Variants in GLRX2 observed in about 807,000 individuals in gnomAD.
GLRX2 encodes glutaredoxin 2.
A neutral mutation model predicts 16.4 loss-of-function variants in GLRX2; 12 were observed. The observed-to-expected ratio is 0.73, with a 90% CI of 0.47 to 1.19. GLRX2 has a LOEUF of 1.19. GLRX2 is among the 50% of genes most tolerant of loss of function. The pLI, the probability that GLRX2 is intolerant of heterozygous loss-of-function variation, is 0.00. For synonymous variants in GLRX2, 95 were observed against 76.2 expected (o/e 1.25, Z -1.28); for missense variants, 201 against 201.8 (o/e 1.00, Z 0.02).
Position 193,105,344 on chromosome 1 carries a change from CA to C in GLRX2, c.38del (p.Leu13ArgfsTer40). ...WRRAALAGTRLVWSRSGSAGW... is the reference protein window; with the variant it reads ...WRRAALAGTRXVWSRSGSAGW... The stretch of plus-strand genomic sequence containing the variant: ...CTGCCGAGCCGCTCCTGCTCCAAAC[CA>C]GCCGCGTCCCCGCCAGCGCCGCGCG... On this transcript the variant is annotated frameshift_variant, in exon 1 of 4. Coordinates refer to ENST00000367439, the MANE Select transcript of GLRX2 (RefSeq NM_197962.3). LOFTEE classifies it high-confidence loss of function. 1.3e-6 allele frequency: 2 copies of C among 1,547,942 alleles called. No homozygotes were observed. The highest frequency in any genetic ancestry group is 1.7e-6 in the Non-Finnish European group (2 of 1,157,032).
At chr1:193,106,017 A>G, upstream of GLRX2, 1 of 990,998 alleles carries the variant, frequency 1.0e-6, no homozygotes, top group Non-Finnish European at 1.2e-6. Context: ...AACAAAACAA[A>G]AGAAATTAGC....
At chr1:193,098,914 AT>A (rs1189706569) in intron 2 of GLRX2, among the ~76,000 whole-genome samples, 1 of 152,210 alleles carries the variant, frequency 6.6e-6, no homozygotes, top group Non-Finnish European at 1.5e-5. Flanking sequence ...CTTACCTTCT[AT>A]TCTATAACTT....
rs1361294096 is a variant in GLRX2 at position 193,096,685 on chromosome 1, T to G, written c.435A>C (p.Lys145Asn). The change falls in exon 4 of 4, where the codon AAA becomes AAC. Residue 145 changes from lysine to asparagine, a missense_variant. Transcript: ENST00000367439. The stretch of plus-strand genomic sequence containing the variant: ...AACACTGATGAACTAGTGGGAGCAA[T>G]TTTCCTTCTTTGTGAAGCCTATGAG... ...TDTHRLHKEG[K>N]LLPLVHQCYL... The G allele has an allele frequency of 1.2e-6, 2 of 1,605,344 alleles. No individual in the cohort carries two copies. The highest frequency in any genetic ancestry group is 1.7e-6 in the Non-Finnish European group (2 of 1,172,432).
chr1:193,096,780 G>A, intron 3 of GLRX2, 21 bp from the exon 4 acceptor site: 1 of 1,584,586 alleles, frequency 6.3e-7, no homozygotes, highest in Non-Finnish European at 8.6e-7. Context: ...AACAAAAGAA[G>A]AATTAGGCTT....
Position 193,105,369 on chromosome 1 carries a change from C to A in GLRX2, c.14G>T (p.Arg5Leu). The change falls in exon 1 of 4, where the codon CGC becomes CTC. Residue 5 changes from arginine to leucine, a missense_variant. By Grantham distance (102) the Arg-to-Leu change is moderately radical. Transcript: ENST00000367439. ...CAGCCGCGTCCCCGCCAGCGCCGCG[C>A]GGCGCCAAATCATGGTCAGAGCCCG... Reference protein sequence around the residue: MIWRRAALAGTRLVW... With the variant: MIWRLAALAGTRLVW... The A allele has an allele frequency of 6.5e-7, 1 of 1,545,668 alleles. No homozygotes were observed.
At chr1:193,101,093 TC>T (rs767407129) in intron 2 of GLRX2, 47 bp downstream of exon 2, 1 of 1,191,940 alleles carries the variant, frequency 8.4e-7, no homozygotes, top group East Asian at 2.3e-5. Context: ...AAGGGACAAT[TC>T]TTTTTCTACA....
intron 3 of GLRX2, 116 bp from the exon 4 acceptor site, chr1:193,096,875 G>T: frequency 1.5e-6 from 1 of 678,474 alleles, no homozygotes; most frequent in Non-Finnish European, 2.4e-6. Flanking sequence ...GCACCACAAA[G>T]CTCTTTCACA....
chr1:193,103,893 A>T (rs530161759), intron 1 of GLRX2, among the ~76,000 whole-genome samples: 6 of 152,234 alleles, frequency 3.9e-5, no homozygotes, highest in African/African-American at 1.2e-4. Flanking sequence ...ACCTGAGAGG[A>T]GGGTGAAGCT....
At chr1:193,099,215 T>C in intron 2 of GLRX2, among the ~76,000 whole-genome samples, 1 of 152,248 alleles carries the variant, frequency 6.6e-6, no homozygotes, top group Non-Finnish European at 1.5e-5. Context: ...GATTCTGCTA[T>C]GCATCCACGC....
At chr1:193,099,800 T>G (rs142410691) in intron 2 of GLRX2, among the ~76,000 whole-genome samples, 18 of 152,316 alleles carry the variant, frequency 1.2e-4, no homozygotes, top group African/African-American at 4.3e-4. Flanking sequence ...TATGATTCCC[T>G]TGTGTTTACT....
upstream of GLRX2, chr1:193,105,939 T>A: frequency 9.6e-7 from 1 of 1,037,600 alleles, no homozygotes; most frequent in Non-Finnish European, 1.2e-6. Context: ...AAAAATCCGG[T>A]GTTGAAGGTT....
upstream of GLRX2, chr1:193,105,543 A>G: frequency 1.3e-6 from 2 of 1,560,588 alleles, no homozygotes; most frequent in Non-Finnish European, 8.7e-7. Flanking sequence ...GCGTCCTCCC[A>G]GGGCTGCCCG....
At chr1:193,101,593 T>A (rs1675078621) in intron 1 of GLRX2, among the ~76,000 whole-genome samples, 1 of 152,192 alleles carries the variant, frequency 6.6e-6, no homozygotes, top group Admixed American at 6.5e-5. Context: ...GAACACACTG[T>A]GAAGCAGGGA....
chr1:193,096,875 G>A, intron 3 of GLRX2, 116 bp from the exon 4 acceptor site: 1 of 678,474 alleles, frequency 1.5e-6, no homozygotes, highest in South Asian at 2.3e-5. Context: ...GCACCACAAA[G>A]CTCTTTCACA....
At chr1:193,099,851 C>A (rs1675037840) in intron 2 of GLRX2, among the ~76,000 whole-genome samples, 1 of 152,116 alleles carries the variant, frequency 6.6e-6, no homozygotes, top group South Asian at 2.1e-4. Flanking sequence ...GGAGGGCCTG[C>A]CATACCAGAG....
At chr1:193,104,912 C>T (rs867236270) in intron 1 of GLRX2, among the ~76,000 whole-genome samples, 1 of 152,264 alleles carries the variant, frequency 6.6e-6, no homozygotes, top group East Asian at 1.9e-4. Flanking sequence ...ATGTCCACTG[C>T]AGTATTTGGG....
chr1:193,104,250 A>G (rs1374172857), intron 1 of GLRX2, among the ~76,000 whole-genome samples: 1 of 152,194 alleles, frequency 6.6e-6, no homozygotes, highest in African/African-American at 2.4e-5. Context: ...ACTGTCGCGA[A>G]CTATGAATAG....
chr1:193,105,416 C>T (rs1675175357), upstream of GLRX2: 3 of 1,488,346 alleles, frequency 2.0e-6, no homozygotes, highest in African/African-American at 2.9e-5. Context: ...AGCTCTACTG[C>T]CGGACACCGC....
chr1:193,097,940 G>GA (rs911803559), intron 2 of GLRX2, among the ~76,000 whole-genome samples, 180 bp from the exon 3 acceptor site: 6 of 151,960 alleles, frequency 3.9e-5, no homozygotes, highest in African/African-American at 1.2e-4. Flanking sequence ...AATGTTATTA[G>GA]AAAAAAGATA....
Sources: gnomAD v4.1 joint callset for allele counts (sites outside exome capture counted in the v4.1 genomes callset) on GRCh38, gnomAD v4.1.1 for gene constraint, MANE v1.5 for transcripts, NCBI Gene and HGNC (gene_info 2026-07-23, HGNC 2026-07-21) for gene names.